The following PDE8B variants were observed in gnomAD, a reference collection of about 807,000 sequenced individuals.
The protein encoded by PDE8B is phosphodiesterase 8B, also known as high affinity cAMP-specific and IBMX-insensitive 3',5'-cyclic phosphodiesterase 8B.
A neutral mutation model predicts 101.3 loss-of-function variants in PDE8B; 26 were observed. The observed-to-expected ratio is 0.26, with a 90% CI of 0.19 to 0.36. The LOEUF is 0.36. Ranked by LOEUF, PDE8B falls within the 10% of genes least tolerant of loss-of-function variation. The pLI is 1.00. For synonymous variants in PDE8B, 424 were observed against 429.3 expected (o/e 0.99, Z 0.15); for missense variants, 810 against 1,163.1 (o/e 0.70, Z 4.42).
At chr5:77,248,443 TTTG>T (rs147737507) in intron 1 of PDE8B, among the ~76,000 whole-genome samples, 16 of 152,112 alleles carry the variant, frequency 1.1e-4, no homozygotes, top group African/African-American at 3.9e-4. Context: ...TAAATTAGTT[TTTG>T]TTGTTGTTGT....
At chr5:77,293,822 G>T (rs1490998537) in intron 1 of PDE8B, among the ~76,000 whole-genome samples, 2 of 152,122 alleles carry the variant, frequency 1.3e-5, no homozygotes, top group African/African-American at 4.8e-5. Context: ...TAATTCCCTG[G>T]TGACAAATGA....
chr5:77,128,051 C>T, the PDE8B span, among the ~76,000 whole-genome samples: 1 of 152,192 alleles, frequency 6.6e-6, no homozygotes, highest in East Asian at 1.9e-4. Context: ...TAACATGACC[C>T]TGTCATTTTC....
At chr5:77,213,734 A>G (rs1749025856) in intron 1 of PDE8B, among the ~76,000 whole-genome samples, 1 of 151,876 alleles carries the variant, frequency 6.6e-6, no homozygotes, top group Admixed American at 6.6e-5. Context: ...GCCATTTTAC[A>G]TCAATTATGA....
intron 1 of PDE8B, among the ~76,000 whole-genome samples, chr5:77,277,013 G>A (rs1158834307): frequency 6.6e-6 from 1 of 152,060 alleles, no homozygotes; most frequent in African/African-American, 2.4e-5. Flanking sequence ...GTCAAAAGCA[G>A]GATAAGACAG....
At chr5:77,133,246 C>A in the PDE8B span, among the ~76,000 whole-genome samples, 3 of 152,174 alleles carry the variant, frequency 2.0e-5, no homozygotes, top group African/African-American at 7.2e-5. Context: ...TGATGACTAG[C>A]CCACTGGTTC....
the PDE8B span, chr5:77,180,506 G>T: frequency 6.0e-5 from 59 of 984,690 alleles, no homozygotes; most frequent in African/African-American, 1.0e-3. Context: ...CAGCGCGGGG[G>T]ACCGCGCAGC....
chr5:77,198,689 A>T, the PDE8B span, among the ~76,000 whole-genome samples: 1 of 152,124 alleles, frequency 6.6e-6, no homozygotes, highest in Non-Finnish European at 1.5e-5. Context: ...CACACATTTT[A>T]TCTGATTTTC....
chr5:77,383,039 T>C (rs1787819977), intron 10 of PDE8B, among the ~76,000 whole-genome samples: 2 of 152,190 alleles, frequency 1.3e-5, no homozygotes, highest in South Asian at 4.1e-4. Flanking sequence ...GTTGAACTAG[T>C]TTACAGTCCC....
At chr5:77,221,998 C>CT (rs1287317139) in intron 1 of PDE8B, among the ~76,000 whole-genome samples, 1 of 152,150 alleles carries the variant, frequency 6.6e-6, no homozygotes, top group Non-Finnish European at 1.5e-5. Context: ...CATGCCAAGG[C>CT]CCCAAACATC....
intron 1 of PDE8B, 87 bp from the exon 2 acceptor site, chr5:77,311,907 G>T: frequency 9.8e-7 from 1 of 1,021,338 alleles, no homozygotes; most frequent in Admixed American, 1.7e-5. Flanking sequence ...GCACACGGTG[G>T]CATAATGCAA....
At chr5:77,285,967 T>C (rs528418139) in intron 1 of PDE8B, among the ~76,000 whole-genome samples, 1 of 152,294 alleles carries the variant, frequency 6.6e-6, no homozygotes, top group East Asian at 1.9e-4. Flanking sequence ...CTGAGAGTTC[T>C]TCTTTATTTG....
At chr5:77,162,016 G>A in the PDE8B span, among the ~76,000 whole-genome samples, 1 of 150,128 alleles carries the variant, frequency 6.7e-6, no homozygotes, top group African/African-American at 2.4e-5. Flanking sequence ...ATATAATCAT[G>A]TATGTAGTAC....
the PDE8B span, among the ~76,000 whole-genome samples, chr5:77,117,796 T>C: frequency 6.6e-6 from 1 of 152,222 alleles, no homozygotes; most frequent in African/African-American, 2.4e-5. Context: ...TGTACTGCGA[T>C]TGAAATATGC....
intron 10 of PDE8B, among the ~76,000 whole-genome samples, chr5:77,387,906 C>A (rs1376145691): frequency 6.6e-6 from 1 of 151,964 alleles, no homozygotes; most frequent in East Asian, 1.9e-4. Flanking sequence ...AGTTCTCGTG[C>A]TGTGTTTTTC....
chr5:77,215,101 C>T (rs761779580), intron 1 of PDE8B, among the ~76,000 whole-genome samples: 2 of 152,080 alleles, frequency 1.3e-5, no homozygotes, highest in Non-Finnish European at 2.9e-5. Flanking sequence ...GCTGAGCCTC[C>T]GAGATTGGCT....
At chr5:77,255,524 G>A (rs1758937939) in intron 1 of PDE8B, among the ~76,000 whole-genome samples, 1 of 152,180 alleles carries the variant, frequency 6.6e-6, no homozygotes, top group Non-Finnish European at 1.5e-5. Context: ...TGAAGCCTTG[G>A]CTCACACATG....
the PDE8B span, among the ~76,000 whole-genome samples, chr5:77,189,299 C>T: frequency 6.6e-6 from 1 of 152,072 alleles, no homozygotes; most frequent in East Asian, 1.9e-4. Flanking sequence ...TGAGGCTTAC[C>T]TTCAAGTGTT....
the PDE8B span, among the ~76,000 whole-genome samples, chr5:77,106,698 A>G: frequency 6.6e-6 from 1 of 152,160 alleles, no homozygotes; most frequent in African/African-American, 2.4e-5. Flanking sequence ...GAGAATCTCC[A>G]TCTTAACAAT....
the PDE8B span, among the ~76,000 whole-genome samples, chr5:77,184,139 T>A: frequency 6.6e-6 from 1 of 152,132 alleles, no homozygotes; most frequent in African/African-American, 2.4e-5. Context: ...GCTAATTTTT[T>A]AATTATTGTA....
Sources: gnomAD v4.1 joint callset for allele counts (sites outside exome capture counted in the v4.1 genomes callset) on GRCh38, gnomAD v4.1.1 for gene constraint, MANE v1.5 for transcripts, NCBI Gene and HGNC (gene_info 2026-07-23, HGNC 2026-07-21) for gene names.